Variants in UCHL3 observed in about 807,000 individuals in gnomAD.
UCHL3 encodes the protein ubiquitin C-terminal hydrolase L3, also known as ubiquitin carboxyl-terminal hydrolase isozyme L3.
UCHL3 carries 22 observed loss-of-function variants against 35.8 expected under a neutral mutation model. That is an observed-to-expected ratio of 0.61 (90% CI 0.44 to 0.88). UCHL3 has a LOEUF of 0.88. UCHL3 is among the 40% of genes least tolerant of loss of function. The probability of loss-of-function intolerance (pLI) is 0.00; values close to 1 mark genes in which losing one functional copy is unlikely to be tolerated. For missense variants in UCHL3, 229 were observed against 276.9 expected, an observed-to-expected ratio of 0.83 and a Z score of 1.23; for synonymous variants, 90 against 92.8, an observed-to-expected ratio of 0.97 and a Z score of 0.17.
At chr13:75,604,177 A>T (rs1689038252) in intron 7 of UCHL3, among the ~76,000 whole-genome samples, 1 of 152,204 alleles carries the variant, frequency 6.6e-6, no homozygotes, top group African/African-American at 2.4e-5. Flanking sequence ...ACTTTGGGTT[A>T]GCATGAGTTT....
chr13:75,592,468 G>GTAT (rs1201744829), intron 6 of UCHL3, among the ~76,000 whole-genome samples: 7 of 23,260 alleles, frequency 3.0e-4, no homozygotes, highest in Non-Finnish European at 5.6e-4. Flanking sequence ...ATATATATAT[G>GTAT]AAGGAAAAAA....
intron 3 of UCHL3, among the ~76,000 whole-genome samples, chr13:75,561,842 TACGTATAC>T (rs1283378571): frequency 1.5e-4 from 22 of 148,378 alleles, no homozygotes; most frequent in Admixed American, 7.4e-4. Flanking sequence ...TATATACGTA[TACGTATAC>T]ATACGTATAC....
At chr13:75,592,460 ATATATATG>A (rs2032534576) in intron 6 of UCHL3, among the ~76,000 whole-genome samples, 1 of 110,326 alleles carries the variant, frequency 9.1e-6, no homozygotes, top group Non-Finnish European at 1.9e-5. Flanking sequence ...ATATATATAT[ATATATATG>A]AAGGAAAAAA....
intron 6 of UCHL3, among the ~76,000 whole-genome samples, chr13:75,579,098 A>G (rs942818190): frequency 2.0e-5 from 3 of 152,180 alleles, no homozygotes; most frequent in African/African-American, 7.2e-5. Context: ...TAAGCCAAAA[A>G]TGATTTACGC....
intron 3 of UCHL3, 54 bp downstream of exon 3, chr13:75,560,935 C>A: frequency 6.9e-7 from 1 of 1,458,454 alleles, no homozygotes; most frequent in South Asian, 1.5e-5. Context: ...TTGTTTTATT[C>A]TGTCTTATTT....
At chr13:75,565,471 G>C (rs2031653066) in intron 3 of UCHL3, among the ~76,000 whole-genome samples, 1 of 152,146 alleles carries the variant, frequency 6.6e-6, no homozygotes, top group Non-Finnish European at 1.5e-5. Flanking sequence ...GATAAAAGAA[G>C]CAGTTTCTTA....
chr13:75,600,418 G>A (rs559492466), intron 7 of UCHL3, among the ~76,000 whole-genome samples: 1 of 152,308 alleles, frequency 6.6e-6, no homozygotes, highest in Admixed American at 6.5e-5. Flanking sequence ...CAAAGGACAG[G>A]CTGATTGTCT....
chr13:75,560,307 A>T (rs2031450490), intron 2 of UCHL3, among the ~76,000 whole-genome samples: 1 of 152,176 alleles, frequency 6.6e-6, no homozygotes, highest in Non-Finnish European at 1.5e-5. Context: ...AATGAGTTTA[A>T]CATATCAACC....
chr13:75,576,264 C>G (rs1188941224), intron 6 of UCHL3, among the ~76,000 whole-genome samples: 1 of 152,150 alleles, frequency 6.6e-6, no homozygotes, highest in Non-Finnish European at 1.5e-5. Flanking sequence ...AAGTCTCGCT[C>G]TGTCTCCCAG....
chr13:75,561,595 C>T (rs2031497799), intron 3 of UCHL3, among the ~76,000 whole-genome samples: 1 of 151,578 alleles, frequency 6.6e-6, no homozygotes. Flanking sequence ...GTAGGGGAAA[C>T]TGATAATGTA....
At chr13:75,557,352 A>C (rs2031328675) in intron 2 of UCHL3, among the ~76,000 whole-genome samples, 2 of 152,350 alleles carry the variant, frequency 1.3e-5, no homozygotes, top group South Asian at 4.1e-4. Flanking sequence ...TATCTAGTGA[A>C]AAATTTGTCA....
intron 3 of UCHL3, among the ~76,000 whole-genome samples, chr13:75,562,684 G>A (rs2031555620): frequency 6.6e-6 from 1 of 151,986 alleles, no homozygotes; most frequent in African/African-American, 2.4e-5. Flanking sequence ...CTTTCATTTA[G>A]TGAGTCATCA....
intron 5 of UCHL3, 59 bp downstream of exon 5, chr13:75,567,371 G>A (rs1212598816): frequency 6.9e-7 from 1 of 1,442,374 alleles, no homozygotes; most frequent in Non-Finnish European, 9.7e-7. Flanking sequence ...GATTGTAGAT[G>A]TGTTTGGGGG....
chr13:75,556,704 A>T (rs1354414394), intron 2 of UCHL3, among the ~76,000 whole-genome samples: 1 of 152,184 alleles, frequency 6.6e-6, no homozygotes, highest in Non-Finnish European at 1.5e-5. Context: ...TTGTATGCAA[A>T]AACCTGGAGG....
At chr13:75,553,642 T>C (rs1322071374) in intron 2 of UCHL3, among the ~76,000 whole-genome samples, 2 of 149,630 alleles carry the variant, frequency 1.3e-5, no homozygotes, top group African/African-American at 4.8e-5. Context: ...TAGTAATGTT[T>C]TCTGTTGTAT....
At chr13:75,602,675 A>G (rs2032808269) in intron 7 of UCHL3, among the ~76,000 whole-genome samples, 1 of 152,196 alleles carries the variant, frequency 6.6e-6, no homozygotes, top group Non-Finnish European at 1.5e-5. Context: ...GTGAAGGACC[A>G]AGTAGTAAAT....
At chr13:75,581,530 T>G (rs902166766) in intron 6 of UCHL3, among the ~76,000 whole-genome samples, 2 of 149,496 alleles carry the variant, frequency 1.3e-5, no homozygotes, top group Non-Finnish European at 3.0e-5. Flanking sequence ...TTTTTTTTTT[T>G]TTTTTTTTAG....
At chr13:75,592,455 T>TGTATATACATATATAC (rs1416531844) in intron 6 of UCHL3, among the ~76,000 whole-genome samples, 1 of 109,566 alleles carries the variant, frequency 9.1e-6, no homozygotes, top group African/African-American at 3.2e-5. Context: ...TATATATATA[T>TGTATATACATATATAC]ATATATATAT....
At chr13:75,559,032 T>TATAGGGCATGTGACTTGTTCCAAGAA (rs2031391614) in intron 2 of UCHL3, among the ~76,000 whole-genome samples, 1 of 33,970 alleles carries the variant, frequency 2.9e-5, no homozygotes, top group Non-Finnish European at 8.6e-5. Flanking sequence ...CCCGGACTCT[T>TATAGGGCATGTGACTTGTTCCAAGAA]TTTTTTTTTT....
Sources: allele counts gnomAD v4.1 joint callset (sites outside exome capture counted in the v4.1 genomes callset), GRCh38; gene constraint gnomAD v4.1.1; transcripts MANE v1.5; gene names NCBI Gene and HGNC (gene_info 2026-07-23, HGNC 2026-07-21).